The following AGBL1 variants were observed in gnomAD, a reference collection of about 807,000 sequenced individuals.
AGBL1 encodes the protein AGBL carboxypeptidase 1.
In AGBL1, 130 loss-of-function variants were observed where a neutral mutation model predicts 118.9. The ratio of observed to expected loss-of-function variants is 1.09; its 90% confidence interval spans 0.95 to 1.26. The LOEUF is 1.26. Ranked by LOEUF, AGBL1 falls within the 50% of genes most tolerant of loss-of-function variation. The probability of loss-of-function intolerance (pLI) is 0.00; values close to 1 mark genes in which losing one functional copy is unlikely to be tolerated. For synonymous variants in AGBL1, 555 were observed against 478.9 expected (o/e 1.16, Z -2.08); for missense variants, 1,584 against 1,298.1 (o/e 1.22, Z -3.38).
intron 22 of AGBL1, among the ~76,000 whole-genome samples, chr15:86,876,960 GCAATA>G (rs1195360547): frequency 2.6e-5 from 4 of 151,936 alleles, no homozygotes; most frequent in Non-Finnish European, 5.9e-5. Context: ...AATAACAATA[GCAATA>G]CAATCCGTAT....
intron 21 of AGBL1, among the ~76,000 whole-genome samples, chr15:86,641,779 C>T (rs929052976): frequency 6.6e-6 from 1 of 152,058 alleles, no homozygotes; most frequent in South Asian, 2.1e-4. Context: ...CTAAAAAAAC[C>T]CCACAGCTTT....
At chr15:86,949,409 T>C (rs527843582) in intron 23 of AGBL1, among the ~76,000 whole-genome samples, 1 of 152,082 alleles carries the variant, frequency 6.6e-6, no homozygotes, top group Non-Finnish European at 1.5e-5. Context: ...ATTTTCAAAC[T>C]TTTGGAGCCA....
intron 17 of AGBL1, among the ~76,000 whole-genome samples, chr15:86,388,325 T>G (rs528709585): frequency 6.6e-6 from 1 of 152,286 alleles, no homozygotes; most frequent in East Asian, 1.9e-4. Flanking sequence ...AAAAGAGAGA[T>G]GAAGGAGCTC....
Position 87,010,112 on chromosome 15 carries a change from C to T in AGBL1, c.3324-18713C>T, listed in dbSNP as rs138774613. ...CCAGGGGTGGAATGATATGGTTTGG[C>T]TGTCTCACCACCCAAATCTCATCAT... On this transcript the variant is annotated intron_variant, in intron 24 of 24. Transcript: ENST00000441037. Among the ~76,000 whole-genome samples the T allele has an allele frequency of 4.1e-4, 62 of 152,228 alleles. No individual in the cohort carries two copies. The East Asian group carries it at 7.9e-3, about 19-fold the overall frequency.
Position 86,225,075 on chromosome 15 carries a change from A to G in AGBL1, c.526+124A>G, listed in dbSNP as rs761582050. On this transcript the variant is annotated intron_variant, in intron 6 of 22. Coordinates refer to ENST00000614907, the MANE Select transcript of AGBL1 (RefSeq NM_001386094.1). ...ATGAACTACTATTTCTCAATCACCTATGGCTAATTCCTGACCTTGAAAGTG... is the reference window on the plus strand; with the variant it reads ...ATGAACTACTATTTCTCAATCACCTGTGGCTAATTCCTGACCTTGAAAGTG... 14 of 956,140 alleles carry G rather than the reference A, an allele frequency of 1.5e-5. No homozygotes were observed. The African/African-American group carries it at 1.7e-4, about 12-fold the overall frequency. The allele number at this position is 956,140 out of a possible 1,614,324, so 59.2% of individuals were successfully genotyped here.
intron 18 of AGBL1, among the ~76,000 whole-genome samples, chr15:86,473,802 A>G (rs2082514687): frequency 6.6e-6 from 1 of 152,084 alleles, no homozygotes; most frequent in South Asian, 2.1e-4. Flanking sequence ...TGCCTATATC[A>G]TTGATTATTA....
intron 22 of AGBL1, among the ~76,000 whole-genome samples, chr15:86,853,884 G>C (rs540856496): frequency 6.6e-6 from 1 of 151,918 alleles, no homozygotes; most frequent in Non-Finnish European, 1.5e-5. Context: ...CTGGGTCTCC[G>C]TGTTTTTTTA....
At chr15:86,140,147 G>A (rs28375137) in intron 1 of AGBL1, 6,700 of 159,104 alleles carry the variant, frequency 0.042, 478 homozygotes, top group African/African-American at 0.15. Flanking sequence ...TTCACCCTCA[G>A]GGGGGTACTT....
At chr15:86,402,849 G>T (rs1042766906) in intron 18 of AGBL1, among the ~76,000 whole-genome samples, 3 of 151,892 alleles carry the variant, frequency 2.0e-5, no homozygotes, top group Non-Finnish European at 4.4e-5. Context: ...GTCTGAACAG[G>T]GAAAGAAAAT....
At chr15:86,866,435 G>A (rs1309883533) in intron 22 of AGBL1, among the ~76,000 whole-genome samples, 1 of 152,182 alleles carries the variant, frequency 6.6e-6, no homozygotes, top group Non-Finnish European at 1.5e-5. Context: ...ACCAGGTTGG[G>A]GGAATGATGG....
intron 22 of AGBL1, among the ~76,000 whole-genome samples, chr15:86,765,380 A>G (rs1020267953): frequency 6.6e-6 from 1 of 152,044 alleles, no homozygotes; most frequent in African/African-American, 2.4e-5. Flanking sequence ...GAGGAAAGGA[A>G]GCAAGTCAAC....
intron 21 of AGBL1, among the ~76,000 whole-genome samples, chr15:86,595,848 A>G (rs1415335193): frequency 2.0e-5 from 3 of 151,898 alleles, no homozygotes; most frequent in Non-Finnish European, 4.4e-5. Context: ...GGCACTGCTG[A>G]TTGGTTGGAG....
chr15:87,030,180 G>A (rs2081770448), downstream of AGBL1, among the ~76,000 whole-genome samples: 1 of 151,892 alleles, frequency 6.6e-6, no homozygotes, highest in Non-Finnish European at 1.5e-5. Flanking sequence ...TGTGTCTACT[G>A]TACACCCATG....
chr15:86,145,278 T>A (rs2077017783), intron 3 of AGBL1, among the ~76,000 whole-genome samples: 1 of 152,176 alleles, frequency 6.6e-6, no homozygotes, highest in Non-Finnish European at 1.5e-5. Flanking sequence ...ACATTCCTAG[T>A]TGAAGGGAAG....
At chr15:86,586,687 A>T (rs2084253305) in intron 21 of AGBL1, among the ~76,000 whole-genome samples, 1 of 152,212 alleles carries the variant, frequency 6.6e-6, no homozygotes, top group Non-Finnish European at 1.5e-5. Context: ...AGGTAAAATC[A>T]TAAATAAATT....
chr15:86,789,146 A>G (rs1237511978), intron 22 of AGBL1, among the ~76,000 whole-genome samples: 1 of 152,254 alleles, frequency 6.6e-6, no homozygotes, highest in Non-Finnish European at 1.5e-5. Context: ...AGGTCCTACA[A>G]GCCACTGCCT....
intron 9 of AGBL1, among the ~76,000 whole-genome samples, chr15:86,258,333 G>A (rs928471339): frequency 1.3e-5 from 2 of 152,272 alleles, no homozygotes; most frequent in South Asian, 4.1e-4. Flanking sequence ...CTTGGAGTTG[G>A]TATATTTGAT....
intron 17 of AGBL1, among the ~76,000 whole-genome samples, chr15:86,309,808 A>C (rs1213535400): frequency 3.9e-5 from 6 of 152,146 alleles, no homozygotes; most frequent in African/African-American, 1.4e-4. Context: ...TGATGTTTTA[A>C]TGTGCTCTCA....
chr15:86,267,443 T>C, intron 13 of AGBL1, among the ~76,000 whole-genome samples: 1 of 152,232 alleles, frequency 6.6e-6, no homozygotes, highest in East Asian at 1.9e-4. Flanking sequence ...ATGCCAAGGC[T>C]GATTCTGTTG....
Sources: gnomAD v4.1 joint callset for allele counts (sites outside exome capture counted in the v4.1 genomes callset) on GRCh38, gnomAD v4.1.1 for gene constraint, MANE v1.5 for transcripts, NCBI Gene and HGNC (gene_info 2026-07-23, HGNC 2026-07-21) for gene names.